The following ERC2 variants were observed in gnomAD, a reference collection of about 807,000 sequenced individuals.
ERC2 encodes ERC protein 2.
Under a neutral mutation model 114.8 loss-of-function variants are expected in ERC2, and 42 were observed. The ratio of observed to expected loss-of-function variants is 0.37; its 90% confidence interval spans 0.29 to 0.47. ERC2 has a LOEUF of 0.47. ERC2 is among the 20% of genes least tolerant of loss of function. ERC2 has a pLI of 0.99. For synonymous variants in ERC2, 454 were observed against 425.5 expected (o/e 1.07, Z -0.82); for missense variants, 939 against 1,150.7 (o/e 0.82, Z 2.66).
At chr3:56,349,475 A>G (rs765508516) in intron 2 of ERC2, among the ~76,000 whole-genome samples, 1 of 152,210 alleles carries the variant, frequency 6.6e-6, no homozygotes, top group Non-Finnish European at 1.5e-5. Context: ...GCTTAGCTAT[A>G]TTTCCCAATC....
At chr3:56,018,824 C>T in intron 8 of ERC2, 70 bp downstream of exon 8, 2 of 1,523,796 alleles carry the variant, frequency 1.3e-6, no homozygotes, top group South Asian at 1.2e-5. Flanking sequence ...CATTTAAATG[C>T]ATTGGGATCA....
intron 17 of ERC2, among the ~76,000 whole-genome samples, chr3:55,520,567 C>T (rs957953304): frequency 6.6e-5 from 10 of 152,016 alleles, no homozygotes; most frequent in Middle Eastern, 3.2e-3. Flanking sequence ...GCCTAAAGTT[C>T]GTACCATTTT....
chr3:55,745,712 A>G (rs1412641743), intron 14 of ERC2, among the ~76,000 whole-genome samples: 1 of 152,240 alleles, frequency 6.6e-6, no homozygotes, highest in African/African-American at 2.4e-5. Context: ...TTTGTCCAGT[A>G]TCTGCCTAAA....
intron 2 of ERC2, among the ~76,000 whole-genome samples, chr3:56,343,596 CA>C: frequency 6.6e-6 from 1 of 152,032 alleles, no homozygotes; most frequent in South Asian, 2.1e-4. Context: ...CCAGCCTCGG[CA>C]AAAAGTGAGA....
At chr3:56,424,875 G>A (rs190984097) in intron 2 of ERC2, among the ~76,000 whole-genome samples, 6 of 152,196 alleles carry the variant, frequency 3.9e-5, no homozygotes, top group East Asian at 3.9e-4. Flanking sequence ...TTCTAAATAC[G>A]TGTGTTTATG....
chr3:55,566,933 T>C (rs2056414020), intron 17 of ERC2, among the ~76,000 whole-genome samples: 1 of 152,202 alleles, frequency 6.6e-6, no homozygotes, highest in South Asian at 2.1e-4. Flanking sequence ...ACTCCTGACA[T>C]CAAGTGATCT....
At chr3:56,226,373 T>C (rs1280526033) in intron 3 of ERC2, among the ~76,000 whole-genome samples, 1 of 152,114 alleles carries the variant, frequency 6.6e-6, no homozygotes, top group Admixed American at 6.6e-5. Context: ...GCTCAAAATA[T>C]TTGCTAACGT....
rs193087557 is a variant in ERC2 at position 56,011,160 on chromosome 3, G to A, written c.1780-571C>T. Among the ~76,000 whole-genome samples the A allele has an allele frequency of 8.5e-5, 13 of 152,356 alleles. No individual in the cohort carries two copies. The East Asian group carries it at 2.3e-3, about 27-fold the overall frequency. ...AGTCCATTGTGTATGTGATTTTCCA[G>A]TGTGTCTGAGGATGTTTACTTCTGT... is the stretch of plus-strand genomic sequence containing the variant. On this transcript the variant is annotated intron_variant, in intron 8 of 17. Transcript: ENST00000288221.
intron 12 of ERC2, among the ~76,000 whole-genome samples, chr3:55,966,322 T>C (rs1472868529): frequency 6.6e-6 from 1 of 152,158 alleles, no homozygotes; most frequent in Non-Finnish European, 1.5e-5. Flanking sequence ...CAGTTTTTCA[T>C]GCCCTTTCTA....
intron 3 of ERC2, among the ~76,000 whole-genome samples, chr3:56,275,826 G>A (rs2053952780): frequency 6.6e-6 from 1 of 152,140 alleles, no homozygotes; most frequent in Non-Finnish European, 1.5e-5. Flanking sequence ...ATTTTTGATT[G>A]ACATGACTTG....
At position 56,227,364 on chromosome 3, in the gene ERC2, C is replaced by T. The variant is rs1430821732; in HGVS notation, c.1075-53844G>A. ...ATAGGAGCACACTGACAGCCTCCAA[C>T]AGGAAAGAAAGCAAACAGCTTTCAG... On this transcript the variant is annotated intron_variant, in intron 3 of 17. Coordinates refer to ENST00000288221, the MANE Select transcript of ERC2 (RefSeq NM_015576.3). 3.3e-5 allele frequency among the ~76,000 whole-genome samples: 5 copies of T among 150,428 alleles called. No individual in the cohort carries two copies. In the East Asian group the frequency reaches 9.8e-4, roughly 29 times the overall value.
intron 3 of ERC2, among the ~76,000 whole-genome samples, chr3:56,270,426 T>C (rs1292408952): frequency 6.6e-6 from 1 of 152,146 alleles, no homozygotes; most frequent in Admixed American, 6.5e-5. Context: ...GTTTTTAAAT[T>C]CCGGTAATGG....
At chr3:56,076,316 T>C (rs2076975116) in intron 7 of ERC2, among the ~76,000 whole-genome samples, 1 of 152,226 alleles carries the variant, frequency 6.6e-6, no homozygotes, top group South Asian at 2.1e-4. Context: ...AAGTTTATGC[T>C]GTAAGAATCT....
At chr3:56,173,071 T>C (rs2082766250) in intron 4 of ERC2, among the ~76,000 whole-genome samples, 1 of 152,234 alleles carries the variant, frequency 6.6e-6, no homozygotes, top group Admixed American at 6.5e-5. Context: ...AACTTCCCTT[T>C]GCCAACTCTT....
rs141387109 is a variant in ERC2 at position 55,573,783 on chromosome 3, T to C, written c.*40-62507A>G. ...CTGCCACGTGCCTTCAGCCTAAGTA[T>C]GGATTCTGTCAACACACTTTTCTGG... On this transcript the variant is annotated intron_variant, in intron 17 of 17. Transcript: ENST00000288221. Among the ~76,000 whole-genome samples the C allele has an allele frequency of 3.4e-3, 511 of 152,230 alleles. 4 individuals carry two copies. The highest frequency in any genetic ancestry group is 0.012 in the African/African-American group (499 of 41,516).
intron 14 of ERC2, among the ~76,000 whole-genome samples, chr3:55,763,959 A>G (rs977761826): frequency 6.6e-6 from 1 of 152,180 alleles, no homozygotes; most frequent in Non-Finnish European, 1.5e-5. Context: ...ATTTTTATGA[A>G]TATTATTTTA....
At chr3:55,602,235 T>A (rs1462685539) in intron 17 of ERC2, among the ~76,000 whole-genome samples, 1 of 152,196 alleles carries the variant, frequency 6.6e-6, no homozygotes, top group Non-Finnish European at 1.5e-5. Flanking sequence ...GAAGGACATG[T>A]GAGACCTGTG....
At chr3:55,929,976 A>G (rs1016368592) in intron 13 of ERC2, among the ~76,000 whole-genome samples, 4 of 152,222 alleles carry the variant, frequency 2.6e-5, no homozygotes, top group African/African-American at 9.6e-5. Flanking sequence ...ACCATGGCTC[A>G]TGCCTGTAAT....
intron 7 of ERC2, among the ~76,000 whole-genome samples, chr3:56,033,051 AG>A (rs1213543148): frequency 5.2e-4 from 50 of 96,198 alleles, no homozygotes; most frequent in Middle Eastern, 7.2e-3. Context: ...AAAGAAAGAA[AG>A]AAAGAAAGAA....
Sources: gnomAD v4.1 joint callset for allele counts (sites outside exome capture counted in the v4.1 genomes callset) on GRCh38, gnomAD v4.1.1 for gene constraint, MANE v1.5 for transcripts, NCBI Gene and HGNC (gene_info 2026-07-23, HGNC 2026-07-21) for gene names.